MYBPC3: variants seen among roughly 807,000 people sequenced by gnomAD.
The protein encoded by MYBPC3 is myosin-binding protein C, cardiac-type.
MYBPC3 carries 108 observed loss-of-function variants against 159.3 expected under a neutral mutation model. The observed-to-expected ratio is 0.68, with a 90% CI of 0.58 to 0.80. MYBPC3 has a LOEUF of 0.80. Ranked by LOEUF, MYBPC3 falls within the 30% of genes least tolerant of loss-of-function variation. MYBPC3 has a pLI of 0.00. For synonymous variants in MYBPC3, 730 were observed against 702.0 expected (o/e 1.04, Z -0.63); for missense variants, 1,631 against 1,762.1 (o/e 0.93, Z 1.33).
chr11:47,348,753 A>T (rs879365785), intron 5 of MYBPC3, among the ~76,000 whole-genome samples: 2 of 150,576 alleles, frequency 1.3e-5, no homozygotes, highest in African/African-American at 4.9e-5. Context: ...AAAATAACGA[A>T]AATTAGCCAA....
chr11:47,346,212 CTCT>C lies in MYBPC3; in HGVS notation c.1082_1084del (p.Lys361del), dbSNP rs775069579. 1.7e-5 allele frequency: 28 copies of C among 1,613,768 alleles called. No homozygotes were observed. Among genetic ancestry groups the C allele is most frequent in the Middle Eastern group, 1.7e-4 (1 of 6,056 alleles). ...CCCTCTGAGGAAGGGCTAACCTGTG[CTCT>C]TCTTCTCATCGCGCCTCATGCCCTT... On this transcript the variant is annotated inframe_deletion, in exon 12 of 35. Coordinates refer to ENST00000545968, the MANE Select transcript of MYBPC3 (RefSeq NM_000256.3). The surrounding 1 kb of genome is among the most constrained non-coding windows in gnomAD (Gnocchi z 5.3).
chr11:47,347,884 A>G lies in MYBPC3; in HGVS notation c.794T>C (p.Leu265Pro). The G allele has an allele frequency of 6.4e-7, 1 of 1,572,494 alleles. No individual in the cohort carries two copies. Among genetic ancestry groups the G allele is most frequent in the Non-Finnish European group, 8.6e-7 (1 of 1,159,494 alleles). ...TVHEAMGTGD[L>P]DLLSAFRRTS... ...GCGGCGGAAGGCTGATAGGAGGTCC[A>G]GGTCTCCGGTGCCCATGGCCTCTGG... is the stretch of plus-strand genomic sequence containing the variant. Residue 265 changes from leucine to proline, a missense_variant, in exon 7 of 35, where the codon CTG becomes CCG. Leu to Pro is a moderately conservative substitution (Grantham distance 98). Transcript: ENST00000545968.
chr11:47,340,052 A>G (rs1305049191), intron 20 of MYBPC3, among the ~76,000 whole-genome samples: 1 of 152,094 alleles, frequency 6.6e-6, no homozygotes, highest in Non-Finnish European at 1.5e-5. Flanking sequence ...AGGTCAGGTC[A>G]CCTAGCATAG....
intron 13 of MYBPC3, 25 bp downstream of exon 13, chr11:47,343,466 GC>G (rs1264972035): frequency 2.6e-6 from 4 of 1,555,768 alleles, no homozygotes; most frequent in East Asian, 2.4e-5. Context: ...CTCCACCCGA[GC>G]CCCCCTCCCC....
rs1055783286 is a variant in MYBPC3 at position 47,351,625 on chromosome 11, C to T, written c.26-120G>A. ...ATGCATCCCCTCACGTAATACTCTA[C>T]CAGTTCTCTGAGGTAGTTGCAGTTA... On this transcript the variant is annotated intron_variant, in intron 1 of 34. Coordinates refer to ENST00000545968, the MANE Select transcript of MYBPC3 (RefSeq NM_000256.3). The surrounding 1 kb of genome is among the most constrained non-coding windows in gnomAD (Gnocchi z 4.2). 5.1e-6 allele frequency: 6 copies of T among 1,165,338 alleles called. No homozygotes were observed. In the African/African-American group the frequency reaches 9.3e-5, roughly 18 times the overall value. 72.2% of individuals were successfully genotyped at this position (1,165,338 alleles called of 1,614,324 possible).
In MYBPC3 at chr11:47,333,167, CG is replaced by C; in HGVS notation, c.3330+26del. ...GTCTGCCGGGCCTAGGCAGGGTGCACGTGGGGACCCCAGACCCTGGGCTCAC... is the reference window on the plus strand; with the variant it reads ...GTCTGCCGGGCCTAGGCAGGGTGCACTGGGGACCCCAGACCCTGGGCTCAC... On this transcript the variant is annotated intron_variant, in intron 30 of 34. Coordinates refer to ENST00000545968, the MANE Select transcript of MYBPC3 (RefSeq NM_000256.3). 3 of 1,594,630 alleles carry C rather than the reference CG, an allele frequency of 1.9e-6. No individual in the cohort carries two copies. In the East Asian group the frequency reaches 6.8e-5, roughly 36 times the overall value.
Position 47,335,954 on chromosome 11 carries a change from G to A in MYBPC3, c.2660C>T (p.Ser887Phe). ...GCGCTCTGGGGGCCGCCACTTGAGG[G>A]AGACCGTGGTGTCAGAGACGTCCTC... ...AVEDVSDTTV[S>F]LKWRPPERVG... Residue 887 changes from serine to phenylalanine, a missense_variant, in exon 26 of 35, where the codon TCC becomes TTC. Ser to Phe is a radical substitution (Grantham distance 155). Coordinates refer to ENST00000545968, the MANE Select transcript of MYBPC3 (RefSeq NM_000256.3). 1 of 1,567,176 alleles carries A rather than the reference G, an allele frequency of 6.4e-7. No individual in the cohort carries two copies. The highest frequency in any genetic ancestry group is 8.6e-7 in the Non-Finnish European group (1 of 1,157,668).
chr11:47,351,366 G>A lies in MYBPC3; in HGVS notation c.165C>T (p.Tyr55=), dbSNP rs780012957. 8.1e-6 allele frequency: 13 copies of A among 1,606,778 alleles called. No individual in the cohort carries two copies. The Admixed American group carries it at 1.0e-4, about 13-fold the overall frequency. ...GCCGTGTGCCCTCTGTGGCCAGGCC[G>A]TACTTGTTGCTGGCGCTGATGTCAC... ...GGSDISASNK[Y]GLATEGTRHT... Residue 55 remains tyrosine, a synonymous_variant, in exon 2 of 35, where the codon TAC becomes TAT. Transcript: ENST00000545968. This position sits in a 1 kb window ranked among gnomAD's most constrained non-coding sequence, Gnocchi z 4.2.
Position 47,335,000 on chromosome 11 carries a change from G to T in MYBPC3, c.2905+42C>A, listed in dbSNP as rs757656968. 7.5e-6 allele frequency: 11 copies of T among 1,461,296 alleles called. No homozygotes were observed. In the South Asian group the frequency reaches 1.7e-4, roughly 22 times the overall value. 90.5% of individuals were successfully genotyped at this position (1,461,296 alleles called of 1,614,324 possible). On this transcript the variant is annotated intron_variant, in intron 27 of 34. Transcript: ENST00000545968. ...CTCCACTGGACACCAAGGGCCTGGG[G>T]TGTCAATGGCGGGTCTTGTGACTGC...
At chr11:47,345,269 G>C (rs1328920721) in intron 12 of MYBPC3, among the ~76,000 whole-genome samples, 4 of 152,188 alleles carry the variant, frequency 2.6e-5, no homozygotes, top group Non-Finnish European at 4.4e-5. Context: ...GGCATTCAGG[G>C]GATCCCTGGC....
rs368892098 is a variant in MYBPC3 at position 47,350,149 on chromosome 11, A to T, written c.407-37T>A. On this transcript the variant is annotated intron_variant, in intron 3 of 34. Transcript: ENST00000545968. ...GGCTTTTTCTGTTTGTTTGAGATGG[A>T]GTCTTGCTCTGTCACCCAGGCTGGA... is the stretch of plus-strand genomic sequence containing the variant. 7 of 1,539,306 alleles carry T rather than the reference A, an allele frequency of 4.5e-6. No homozygotes were observed. The African/African-American group carries it at 9.6e-5, about 21-fold the overall frequency.
intron 8 of MYBPC3, 77 bp downstream of exon 8, chr11:47,347,574 A>G: frequency 6.4e-7 from 1 of 1,557,648 alleles, no homozygotes; most frequent in South Asian, 1.2e-5. Flanking sequence ...AAGGGACACT[A>G]GCCAGATTGG....
Position 47,342,874 on chromosome 11 carries a change from C to T in MYBPC3, c.1413G>A (p.Val471=), listed in dbSNP as rs1595846355. ...EDQLVMVGQR[V]EFECEVSEEG... ...CCTCCGATACTTCACACTCAAACTC[C>T]ACCCGCTGCCCCACCATCACCAGCT... is the stretch of plus-strand genomic sequence containing the variant. The change falls in exon 16 of 35, where the codon GTG becomes GTA. Residue 471 remains valine (V), a synonymous_variant. Coordinates refer to ENST00000545968, the MANE Select transcript of MYBPC3 (RefSeq NM_000256.3). 6.2e-7 allele frequency: 1 copy of T among 1,613,300 alleles called. No homozygotes were observed. The highest frequency in any genetic ancestry group is 8.5e-7 in the Non-Finnish European group (1 of 1,179,562).
chr11:47,346,392 G>A lies in MYBPC3; in HGVS notation c.927-22C>T, dbSNP rs749051839. The A allele has an allele frequency of 1.9e-6, 3 of 1,541,030 alleles. No individual in the cohort carries two copies. The highest frequency in any genetic ancestry group is 2.5e-5 in the South Asian group (2 of 80,756). Reference sequence around the variant, plus strand: ...GTCCCTGTGTCCCGCAGTCTAGGCTGTGGCCGGGGGCAAGACTGCAGCCCC... The same window carrying A: ...GTCCCTGTGTCCCGCAGTCTAGGCTATGGCCGGGGGCAAGACTGCAGCCCC... On this transcript the variant is annotated intron_variant, in intron 11 of 34. Coordinates refer to ENST00000545968, the MANE Select transcript of MYBPC3 (RefSeq NM_000256.3). This position sits in a 1 kb window ranked among gnomAD's most constrained non-coding sequence, Gnocchi z 5.3.
Position 47,351,110 on chromosome 11 carries a change from C to G in MYBPC3, c.292+129G>C, listed in dbSNP as rs752132862. The G allele has an allele frequency of 2.5e-6, 3 of 1,218,800 alleles. No homozygotes were observed. Among genetic ancestry groups the G allele is most frequent in the South Asian group, 3.5e-5 (2 of 56,932 alleles). The allele number at this position is 1,218,800 out of a possible 1,614,324, so 75.5% of individuals were successfully genotyped here. On this transcript the variant is annotated intron_variant, in intron 2 of 34. Coordinates refer to ENST00000545968, the MANE Select transcript of MYBPC3 (RefSeq NM_000256.3). This position sits in a 1 kb window ranked among gnomAD's most constrained non-coding sequence, Gnocchi z 4.2. ...GAAAAGGGGGAAAGGGCGTTCCTGG[C>G]GGGGGGCACAGCCACAGCAAAGGCA... is the stretch of plus-strand genomic sequence containing the variant.
intron 33 of MYBPC3, 58 bp from the exon 34 acceptor site, chr11:47,331,939 A>G: frequency 1.2e-6 from 2 of 1,602,208 alleles, no homozygotes; most frequent in South Asian, 1.1e-5. Context: ...GCTATTGCCC[A>G]TCTGGGCGTG....
At chr11:47,348,926 A>ATATATATATATATATATATATATATT (rs1189066410) in intron 5 of MYBPC3, among the ~76,000 whole-genome samples, 2 of 131,314 alleles carry the variant, frequency 1.5e-5, no homozygotes, top group African/African-American at 5.5e-5. Flanking sequence ...ATATATATAT[A>ATATATATATATATATATATATATATT]TTTAAAGGAG....
At chr11:47,342,991 G>A (rs759893785) in intron 15 of MYBPC3, 30 bp downstream of exon 15, 8 of 1,612,808 alleles carry the variant, frequency 5.0e-6, no homozygotes, top group Non-Finnish European at 6.8e-6. Context: ...CTCCTCCCCA[G>A]GTTCCCACAT....
At position 47,332,086 on chromosome 11, in the gene MYBPC3, C is replaced by T. The variant is rs730880142; in HGVS notation, c.3800G>A (p.Arg1267His). Residue 1267 changes from arginine (R) to histidine (H), a missense_variant, in exon 33 of 35, where the codon CGC becomes CAC. Transcript: ENST00000545968. The surrounding 1 kb of genome is among the most constrained non-coding windows in gnomAD (Gnocchi z 4.2). ...GGGCTCCTCACCTCGCACCTCCAGG[C>T]GGCACTCACACCGTGCCTCGCCCTG... ...NLQGEARCEC[R>H]LEVRVPQ is the part of the protein sequence containing the mutation. 2.7e-5 allele frequency: 44 copies of T among 1,610,214 alleles called. No homozygotes were observed. Among genetic ancestry groups the T allele is most frequent in the East Asian group, 1.6e-4 (7 of 44,834 alleles).
Sources: allele counts gnomAD v4.1 joint callset (sites outside exome capture counted in the v4.1 genomes callset), GRCh38; gene constraint gnomAD v4.1.1; non-coding constraint Gnocchi (gnomAD v3.1); transcripts MANE v1.5; gene names NCBI Gene and HGNC (gene_info 2026-07-23, HGNC 2026-07-21).